Variants in WBP2NL observed in about 807,000 individuals in gnomAD.
WBP2NL encodes the protein postacrosomal sheath WW domain-binding protein.
In WBP2NL, 27 loss-of-function variants were observed where a neutral mutation model predicts 23.3. The ratio of observed to expected loss-of-function variants is 1.16; its 90% CI spans 0.85 to 1.60. The LOEUF is 1.60. WBP2NL is among the 40% of genes most tolerant of loss of function. The probability of loss-of-function intolerance (pLI) is 0.00; values close to 1 mark genes in which losing one functional copy is unlikely to be tolerated. For missense variants in WBP2NL, 370 were observed against 389.5 expected, an observed-to-expected ratio of 0.95 and a Z score of 0.42; for synonymous variants, 151 against 145.9, an observed-to-expected ratio of 1.03 and a Z score of -0.25.
chr22:42,030,677 C>T (rs971633600), downstream of WBP2NL: 3 of 152,172 alleles, frequency 2.0e-5, no homozygotes, highest in African/African-American at 7.2e-5. Flanking sequence ...AGGAAAATAA[C>T]GAGATATTTT....
At chr22:42,054,196 T>A (rs947576974) in intron 8 of WBP2NL, among the ~76,000 whole-genome samples, 68 of 147,302 alleles carry the variant, frequency 4.6e-4, no homozygotes, top group Admixed American at 2.6e-3. Flanking sequence ...AAAAAAAAAA[T>A]TTTTTTTTTG....
At chr22:42,013,457 G>T (rs147692966) in intron 1 of WBP2NL, among the ~76,000 whole-genome samples, 97 of 151,848 alleles carry the variant, frequency 6.4e-4, no homozygotes, top group Non-Finnish European at 1.1e-3. Context: ...TGTGCGTGAT[G>T]AGTCACTTAT....
chr22:42,036,413 A>T (rs1026585703), downstream of WBP2NL, among the ~76,000 whole-genome samples: 1 of 152,064 alleles, frequency 6.6e-6, no homozygotes, highest in Non-Finnish European at 1.5e-5. Flanking sequence ...TGGCCTTGTG[A>T]TCTCCCCGCC....
intron 8 of WBP2NL, among the ~76,000 whole-genome samples, chr22:42,045,736 A>G (rs2146819709): frequency 6.6e-6 from 1 of 152,368 alleles, no homozygotes; most frequent in South Asian, 2.1e-4. Context: ...CAAAAAATAA[A>G]GCACCAGGCT....
chr22:42,044,737 C>T (rs1196497015), intron 8 of WBP2NL, among the ~76,000 whole-genome samples: 1 of 152,110 alleles, frequency 6.6e-6, no homozygotes, highest in Non-Finnish European at 1.5e-5. Context: ...CCCAGGAAGT[C>T]AAGGCTGCAG....
Position 42,039,800 on chromosome 22 carries a change from A to G in WBP2NL, c.*273+8977A>G, listed in dbSNP as rs73418978. Among the ~76,000 whole-genome samples the G allele has an allele frequency of 2.7e-5, 4 of 150,192 alleles. No individual in the cohort carries two copies. In the East Asian group the frequency reaches 7.9e-4, roughly 30 times the overall value. ...TTAAAAAGCCAACTTAGTTTTTTCT[A>G]TTCTCTATTTTGTTTATTTCTGCTC... On this transcript the variant is annotated intron_variant and NMD_transcript_variant, in intron 8 of 8. Coordinates refer to the WBP2NL transcript ENST00000436265.
At chr22:42,005,087 C>T (rs748210888) in intron 1 of WBP2NL, among the ~76,000 whole-genome samples, 1 of 150,930 alleles carries the variant, frequency 6.6e-6, no homozygotes, top group South Asian at 2.1e-4. Context: ...CGTGGTGGTG[C>T]GTGCCTGTAA....
At chr22:42,022,077 G>A (rs887788108) in intron 4 of WBP2NL, among the ~76,000 whole-genome samples, 172 bp from the exon 5 acceptor site, 8 of 152,204 alleles carry the variant, frequency 5.3e-5, no homozygotes, top group Non-Finnish European at 7.4e-5. Flanking sequence ...TGGGATTACA[G>A]GTGTGAGCCA....
rs775721689 is a variant in WBP2NL at position 42,026,851 on chromosome 22, C to T, written c.600C>T (p.Pro200=). The T allele has an allele frequency of 3.3e-5, 52 of 1,591,952 alleles. No homozygotes were observed. Among genetic ancestry groups the T allele is most frequent in the South Asian group, 4.4e-5 (4 of 90,090 alleles). ...CACCTGCAGGATATGGAGCCCAACC[C>T]GTAGGAAATGAAGGCCCGCCTGTGG... The part of the protein sequence containing the change: ...GAPPAGYGAQ[P]VGNEGPPVGY... The change falls in exon 6 of 6, where the codon CCC becomes CCT. Residue 200 remains proline (P), a synonymous_variant. Coordinates refer to ENST00000328823, the MANE Select transcript of WBP2NL (RefSeq NM_152613.3).
chr22:42,033,549 G>A (rs1925070236), downstream of WBP2NL, among the ~76,000 whole-genome samples: 1 of 152,188 alleles, frequency 6.6e-6, no homozygotes, highest in East Asian at 1.9e-4. Context: ...ACACAGACAA[G>A]TGGAGGGTGA....
rs577130874 is a variant in WBP2NL, at chr22:42,058,041, C to T, written c.*274-249C>T. Among the ~76,000 whole-genome samples the T allele has an allele frequency of 1.2e-4, 17 of 146,764 alleles. 1 individual carries two copies. The highest frequency in any genetic ancestry group is 7.0e-3 in the Middle Eastern group (2 of 286). ...ACGCTGTTCTCCTGCCTCAGCCTCCCGAGTGGCTGGGACTACAGGCGCCCA... is the reference window on the plus strand; with the variant it reads ...ACGCTGTTCTCCTGCCTCAGCCTCCTGAGTGGCTGGGACTACAGGCGCCCA... On this transcript the variant is annotated intron_variant and NMD_transcript_variant, in intron 8 of 8. Transcript: ENST00000436265.
intron 1 of WBP2NL, among the ~76,000 whole-genome samples, chr22:42,017,886 C>T (rs1019244076): frequency 6.6e-5 from 10 of 151,906 alleles, no homozygotes; most frequent in South Asian, 2.1e-4. Context: ...CAGTGGCTCA[C>T]GCCTGTAATC....
At chr22:42,017,216 A>C (rs1301604822) in intron 1 of WBP2NL, among the ~76,000 whole-genome samples, 1 of 152,134 alleles carries the variant, frequency 6.6e-6, no homozygotes, top group East Asian at 1.9e-4. Context: ...CCATGGCTCA[A>C]GCAATCTTCC....
At chr22:42,019,828 A>AT (rs771416194) in intron 3 of WBP2NL, 25 bp downstream of exon 3, 96 of 1,596,684 alleles carry the variant, frequency 6.0e-5, no homozygotes, top group Admixed American at 3.3e-4. Flanking sequence ...AGAAGTGTGT[A>AT]TTTTTTTTTC....
chr22:42,035,062 A>G (rs911328003), downstream of WBP2NL, among the ~76,000 whole-genome samples: 2 of 152,248 alleles, frequency 1.3e-5, no homozygotes, highest in Non-Finnish European at 2.9e-5. Context: ...GGCATAGGAA[A>G]TCACAAGGAT....
intron 5 of WBP2NL, 111 bp from the exon 6 acceptor site, chr22:42,026,655 A>C (rs952757581): frequency 1.8e-5 from 27 of 1,489,424 alleles, no homozygotes; most frequent in Non-Finnish European, 2.3e-5. Flanking sequence ...ATTCTGCCTG[A>C]CTTCTCTTCT....
At chr22:42,002,110 G>A (rs2146751237) in intron 1 of WBP2NL, 1 of 402,030 alleles carries the variant, frequency 2.5e-6, no homozygotes, top group East Asian at 3.6e-5. Flanking sequence ...TTCACTGCTT[G>A]TGTGTTGGAG....
At chr22:42,008,947 T>A (rs1194150744) in intron 1 of WBP2NL, among the ~76,000 whole-genome samples, 1 of 152,054 alleles carries the variant, frequency 6.6e-6, no homozygotes, top group Non-Finnish European at 1.5e-5. Flanking sequence ...CCCGGCTAAT[T>A]TTTTCTATTT....
intron 1 of WBP2NL, among the ~76,000 whole-genome samples, chr22:42,002,379 T>C (rs990198442): frequency 6.6e-6 from 1 of 152,080 alleles, no homozygotes; most frequent in South Asian, 2.1e-4. Flanking sequence ...GATCAGGAGT[T>C]CAAGACCAGC....
Sources: allele counts gnomAD v4.1 joint callset (sites outside exome capture counted in the v4.1 genomes callset), GRCh38; gene constraint gnomAD v4.1.1; transcripts MANE v1.5; gene names NCBI Gene and HGNC (gene_info 2026-07-23, HGNC 2026-07-21).